The following SLC30A8 variants were observed in gnomAD, a reference collection of about 807,000 sequenced individuals.
SLC30A8 encodes proton-coupled zinc antiporter SLC30A8.
Under a neutral mutation model 36.9 loss-of-function variants are expected in SLC30A8, and 27 were observed. The ratio of observed to expected loss-of-function variants is 0.73; its 90% CI spans 0.54 to 1.01. SLC30A8 has a LOEUF of 1.01. Among genes scored for constraint, SLC30A8 ranks in the 50% least tolerant of loss-of-function variants. SLC30A8 has a pLI of 0.00. For missense variants in SLC30A8, 439 were observed against 452.0 expected, an observed-to-expected ratio of 0.97 and a Z score of 0.26; for synonymous variants, 164 against 172.4, an observed-to-expected ratio of 0.95 and a Z score of 0.38.
chr8:117,075,128 C>G (rs914694388), intron 2 of SLC30A8, among the ~76,000 whole-genome samples: 4 of 152,102 alleles, frequency 2.6e-5, no homozygotes, highest in African/African-American at 4.8e-5. Flanking sequence ...CTAATATAAT[C>G]TAGCAAACAC....
At chr8:117,164,568 T>C (rs974243607) in intron 6 of SLC30A8, among the ~76,000 whole-genome samples, 1 of 152,132 alleles carries the variant, frequency 6.6e-6, no homozygotes, top group Admixed American at 6.6e-5. Context: ...AGTAAGACCC[T>C]ACCTCAACAA....
At chr8:117,159,867 C>G (rs182531696) in intron 4 of SLC30A8, among the ~76,000 whole-genome samples, 3 of 152,198 alleles carry the variant, frequency 2.0e-5, no homozygotes, top group African/African-American at 7.2e-5. Context: ...CCTCAATGAT[C>G]AGGTTTGATT....
intron 2 of SLC30A8, among the ~76,000 whole-genome samples, chr8:117,085,362 C>A (rs1818834253): frequency 6.6e-6 from 1 of 152,066 alleles, no homozygotes; most frequent in Non-Finnish European, 1.5e-5. Flanking sequence ...ACCATTATAC[C>A]CATTGGTCTC....
At chr8:117,147,593 C>T (rs1821959408) in intron 2 of SLC30A8, 1 of 157,822 alleles carries the variant, frequency 6.3e-6, no homozygotes, top group East Asian at 1.8e-4. Context: ...TGCTGCAATG[C>T]AAAATCTTGA....
At chr8:117,047,940 G>A (rs113061218) in intron 2 of SLC30A8, among the ~76,000 whole-genome samples, 2 of 152,174 alleles carry the variant, frequency 1.3e-5, no homozygotes, top group African/African-American at 4.8e-5. Flanking sequence ...GTTTACAAAT[G>A]CCATGGCAAC....
intron 2 of SLC30A8, among the ~76,000 whole-genome samples, chr8:117,054,098 C>CTTTTTTTTTTT (rs4060800): frequency 1.9e-4 from 23 of 124,148 alleles, no homozygotes; most frequent in African/African-American, 4.4e-4. Flanking sequence ...CTGCAAAAAT[C>CTTTTTTTTTTT]TTTTTTTTTT....
intron 2 of SLC30A8, among the ~76,000 whole-genome samples, chr8:117,098,866 A>G (rs1334319209): frequency 6.6e-6 from 1 of 152,132 alleles, no homozygotes; most frequent in Non-Finnish European, 1.5e-5. Flanking sequence ...CTGGGGAAAA[A>G]GGTGATAACA....
At chr8:117,157,318 C>T (rs905085960) in intron 3 of SLC30A8, among the ~76,000 whole-genome samples, 1 of 152,114 alleles carries the variant, frequency 6.6e-6, no homozygotes, top group African/African-American at 2.4e-5. Flanking sequence ...TTTCTAAACA[C>T]ATTTTACTCT....
chr8:117,014,375 A>G (rs1309121996), intron 1 of SLC30A8, among the ~76,000 whole-genome samples: 1 of 152,156 alleles, frequency 6.6e-6, no homozygotes, highest in Non-Finnish European at 1.5e-5. Context: ...TCTTTGAGGA[A>G]ATTCTCAATG....
intron 1 of SLC30A8, among the ~76,000 whole-genome samples, chr8:116,972,013 A>T (rs1211848541): frequency 1.3e-5 from 2 of 152,234 alleles, no homozygotes; most frequent in Non-Finnish European, 2.9e-5. Flanking sequence ...AATTTTTCCT[A>T]TCATAAAGAA....
rs58942235 is a variant in SLC30A8, at chr8:117,166,786, T to TG, written c.829+3257dup. ...AGCTGATTTTTTTTTTTTTTTTTTT[T>TG]GTCCAGCACATTTTGACATAAGGTA... On this transcript the variant is annotated intron_variant, in intron 6 of 7. Coordinates refer to ENST00000456015, the MANE Select transcript of SLC30A8 (RefSeq NM_173851.3). Among the ~76,000 whole-genome samples the TG allele has an allele frequency of 2.1e-5, 3 of 140,144 alleles. No individual in the cohort carries two copies. The East Asian group carries it at 6.4e-4, about 30-fold the overall frequency. The allele number at this position is 140,144 out of a possible 152,430, so 91.9% of individuals were successfully genotyped here.
chr8:116,976,822 C>CT (rs763561636), intron 1 of SLC30A8, among the ~76,000 whole-genome samples: 228 of 34,898 alleles, frequency 6.5e-3, no homozygotes, highest in South Asian at 9.5e-3. Context: ...TTCTTTCTTT[C>CT]TTTTTTTTTT....
chr8:117,008,196 A>AT (rs1211618776), intron 1 of SLC30A8, among the ~76,000 whole-genome samples: 1 of 152,176 alleles, frequency 6.6e-6, no homozygotes, highest in Non-Finnish European at 1.5e-5. Flanking sequence ...CTTAGTATAA[A>AT]TTTTTTTGAG....
chr8:117,105,674 T>C (rs191711171), intron 2 of SLC30A8, among the ~76,000 whole-genome samples: 2 of 152,272 alleles, frequency 1.3e-5, no homozygotes, highest in East Asian at 3.9e-4. Context: ...GTTTTTGCTC[T>C]CAGGACTTCC....
At chr8:117,152,812 A>G in intron 2 of SLC30A8, 132 bp from the exon 3 acceptor site, 1 of 686,510 alleles carries the variant, frequency 1.5e-6, no homozygotes, top group South Asian at 3.8e-5. Context: ...GGTGAATTAA[A>G]TCAACTTTAA....
intron 2 of SLC30A8, among the ~76,000 whole-genome samples, chr8:117,081,375 G>T (rs115776339): frequency 6.6e-6 from 1 of 152,152 alleles, no homozygotes; most frequent in African/African-American, 2.4e-5. Context: ...GCAGATGGCC[G>T]TCTTCTCACT....
At chr8:117,170,844 G>A (rs1823338569) in intron 6 of SLC30A8, among the ~76,000 whole-genome samples, 190 bp from the exon 7 acceptor site, 1 of 152,160 alleles carries the variant, frequency 6.6e-6, no homozygotes, top group Non-Finnish European at 1.5e-5. Flanking sequence ...AGTATTCTGA[G>A]TGGGAAATTT....
intron 1 of SLC30A8, among the ~76,000 whole-genome samples, chr8:117,007,486 GA>G (rs1816221060): frequency 6.6e-6 from 1 of 152,212 alleles, no homozygotes; most frequent in African/African-American, 2.4e-5. Context: ...GGAGGCAGGT[GA>G]AGAAAGTGAT....
intron 6 of SLC30A8, among the ~76,000 whole-genome samples, chr8:117,165,007 A>G (rs1434998750): frequency 2.6e-5 from 4 of 152,204 alleles, no homozygotes; most frequent in African/African-American, 9.6e-5. Flanking sequence ...TTCATTTGGC[A>G]TAAAATGGTT....
Sources: gnomAD v4.1 joint callset for allele counts (sites outside exome capture counted in the v4.1 genomes callset) on GRCh38, gnomAD v4.1.1 for gene constraint, MANE v1.5 for transcripts, NCBI Gene and HGNC (gene_info 2026-07-23, HGNC 2026-07-21) for gene names.